The following FOXK2 variants were observed in gnomAD, a reference collection of about 807,000 sequenced individuals.
The protein encoded by FOXK2 is forkhead box protein K2.
Under a neutral mutation model 53.3 loss-of-function variants are expected in FOXK2, and 24 were observed. That is an observed-to-expected ratio of 0.45 (90% CI 0.33 to 0.63). The LOEUF is 0.63. Among genes scored for constraint, FOXK2 ranks in the 30% least tolerant of loss-of-function variants. The probability of loss-of-function intolerance (pLI) is 0.03; values close to 1 mark genes in which losing one functional copy is unlikely to be tolerated. For synonymous variants in FOXK2, 505 were observed against 407.1 expected (o/e 1.24, Z -2.89); for missense variants, 952 against 910.5 (o/e 1.05, Z -0.59).
chr17:82,585,987 G>A lies in FOXK2; in HGVS notation c.1363G>A (p.Ala455Thr), dbSNP rs1027206727. ...CATCAAGCCTGTCACCTACACTGTG[G>A]CCACCCCAGTGACCACCTCGACCTC... ...QAIKPVTYTVATPVTTSTSQP... is the reference protein window; with the variant it reads ...QAIKPVTYTVTTPVTTSTSQP... The change falls in exon 7 of 9, where the codon GCC becomes ACC. Residue 455 changes from alanine to threonine, a missense_variant. This residue lies in a region of FOXK2 where 551 missense variants were observed against 385.1 expected (regional missense o/e 1.43). Transcript: ENST00000335255. 2.2e-5 allele frequency: 36 copies of A among 1,612,776 alleles called. No homozygotes were observed. The highest frequency in any genetic ancestry group is 2.8e-5 in the Non-Finnish European group (33 of 1,179,960).
chr17:82,573,534 ACACTCT>A (rs781536995), intron 4 of FOXK2, among the ~76,000 whole-genome samples: 8 of 103,496 alleles, frequency 7.7e-5, no homozygotes, highest in South Asian at 3.8e-4. Context: ...ATACACACAC[ACACTCT>A]CTCTCTCTCT....
intron 5 of FOXK2, among the ~76,000 whole-genome samples, 156 bp from the exon 6 acceptor site, chr17:82,583,857 C>T (rs773917760): frequency 1.3e-5 from 2 of 152,238 alleles, no homozygotes; most frequent in Admixed American, 6.5e-5. Flanking sequence ...GCTCAGTTCA[C>T]AGGCGTAGGC....
At chr17:82,520,584 A>G (rs1030070032) in intron 1 of FOXK2, among the ~76,000 whole-genome samples, 61 of 152,292 alleles carry the variant, frequency 4.0e-4, no homozygotes, top group African/African-American at 1.4e-3. Flanking sequence ...GCGCGGGTCA[A>G]GGTTTCTGGG....
chr17:82,594,225 A>G (rs539873919), intron 8 of FOXK2, among the ~76,000 whole-genome samples: 1 of 152,168 alleles, frequency 6.6e-6, no homozygotes, highest in Non-Finnish European at 1.5e-5. Flanking sequence ...CAGGCCGGGC[A>G]CGGCGGCTCA....
At chr17:82,595,693 C>T in intron 8 of FOXK2, 9 of 1,106,872 alleles carry the variant, frequency 8.1e-6, no homozygotes, top group Non-Finnish European at 1.1e-5. Flanking sequence ...GGGTCGGTCC[C>T]TGTTATTAAG....
Position 82,520,171 on chromosome 17 carries a change from G to A in FOXK2, c.283G>A (p.Ala95Thr). 1.4e-6 allele frequency: 2 copies of A among 1,478,464 alleles called. No homozygotes were observed. Among genetic ancestry groups the A allele is most frequent in the South Asian group, 1.3e-5 (1 of 75,672 alleles). The allele number at this position is 1,478,464 out of a possible 1,614,324, so 91.6% of individuals were successfully genotyped here. ...PPGGGGHGGA[A>T]PELPPAQPRP... ...GGGCGGCGGCGGCCATGGCGGGGCCGCTCCGGAGCTGCCGCCCGCGCAGCC... is the reference window on the plus strand; with the variant it reads ...GGGCGGCGGCGGCCATGGCGGGGCCACTCCGGAGCTGCCGCCCGCGCAGCC... Residue 95 changes from alanine to threonine, a missense_variant, in exon 1 of 9, where the codon GCT (alanine) becomes ACT (threonine). Physicochemically the swap from Ala to Thr is moderately conservative, Grantham distance 58. Transcript: ENST00000335255.
chr17:82,586,173 G>C lies in FOXK2; in HGVS notation c.1549G>C (p.Glu517Gln), dbSNP rs901028493. The C allele has an allele frequency of 2.5e-6, 4 of 1,611,530 alleles. No homozygotes were observed. The highest frequency in any genetic ancestry group is 3.4e-6 in the Non-Finnish European group (4 of 1,179,160). ...GGCCCCTCCTAAGGCAGAGGCCCAG[G>C]AGAATGGAGACCACAGGGAAGTCAA... The part of the protein sequence containing the change: ...VLAPPKAEAQ[E>Q]NGDHREVKVK... The change falls in exon 7 of 9, where the codon GAG (glutamate) becomes CAG (glutamine). Residue 517 changes from glutamate to glutamine, a missense_variant. Physicochemically the swap from Glu to Gln is conservative, Grantham distance 29 (BLOSUM62 2). Transcript: ENST00000335255.
intron 4 of FOXK2, chr17:82,578,421 C>CTTTAT (rs1424398269): frequency 1.3e-5 from 2 of 150,282 alleles, no homozygotes; most frequent in African/African-American, 2.5e-5. Flanking sequence ...TAAAGAATAA[C>CTTTAT]AGCCCACGTT....
intron 5 of FOXK2, among the ~76,000 whole-genome samples, 173 bp downstream of exon 5, chr17:82,583,107 G>C (rs1429725449): frequency 6.6e-6 from 1 of 152,224 alleles, no homozygotes; most frequent in Non-Finnish European, 1.5e-5. Flanking sequence ...TCTGGTTCTA[G>C]TGGCTGAAAC....
intron 3 of FOXK2, among the ~76,000 whole-genome samples, chr17:82,570,139 G>A (rs865851828): frequency 5.3e-5 from 8 of 151,800 alleles, no homozygotes; most frequent in East Asian, 1.9e-4. Flanking sequence ...GGAGAATGGC[G>A]TGAACCCGGG....
At chr17:82,592,323 AC>A (rs2045260496) in intron 8 of FOXK2, among the ~76,000 whole-genome samples, 1 of 151,634 alleles carries the variant, frequency 6.6e-6, no homozygotes, top group African/African-American at 2.4e-5. Flanking sequence ...TCACATATTG[AC>A]TCCTCCGGCC....
chr17:82,530,604 G>A (rs1478404120), intron 1 of FOXK2, among the ~76,000 whole-genome samples: 3 of 147,714 alleles, frequency 2.0e-5, no homozygotes, highest in Admixed American at 6.9e-5. Context: ...TCCTCCTCCC[G>A]GGTTCAAACA....
chr17:82,579,395 T>G (rs2045030367), intron 4 of FOXK2, among the ~76,000 whole-genome samples: 1 of 152,174 alleles, frequency 6.6e-6, no homozygotes, highest in South Asian at 2.1e-4. Flanking sequence ...ATATTTGAAA[T>G]CTCATCTGAT....
rs777525387 is a variant in FOXK2, at chr17:82,601,364, A to T, written c.1848A>T (p.Thr616=). The change falls in exon 9 of 9, where the codon ACA becomes ACT. Residue 616 remains threonine (T), a synonymous_variant. Transcript: ENST00000335255. ...THASASASLP[T]KRHNGDQPEQ... ...CATCCGCATCGGCCTCCCTGCCCAC[A>T]AAGCGCCACAACGGTGACCAGCCGG... 6.2e-7 allele frequency: 1 copy of T among 1,613,446 alleles called. No homozygotes were observed. The highest frequency in any genetic ancestry group is 1.1e-5 in the South Asian group (1 of 91,068).
At chr17:82,528,617 G>C (rs1249107747) in intron 1 of FOXK2, among the ~76,000 whole-genome samples, 1 of 152,148 alleles carries the variant, frequency 6.6e-6, no homozygotes, top group East Asian at 1.9e-4. Flanking sequence ...TTTGAGCACG[G>C]AACAAGGTGT....
Position 82,601,599 on chromosome 17 carries a change from C to A in FOXK2, c.*100C>A. 1 of 1,245,430 alleles carries A rather than the reference C, an allele frequency of 8.0e-7. No individual in the cohort carries two copies. Among genetic ancestry groups the A allele is most frequent in the Non-Finnish European group, 1.1e-6 (1 of 918,504 alleles). The allele number at this position is 1,245,430 out of a possible 1,614,324, so 77.1% of individuals were successfully genotyped here. Reference sequence around the variant, plus strand: ...GGGGGTGCAGGGCCCTGTGGTTGGACTTCACCTCTCAGCACTGAAAACCCA... The same window carrying A: ...GGGGGTGCAGGGCCCTGTGGTTGGAATTCACCTCTCAGCACTGAAAACCCA... On this transcript the variant is annotated 3_prime_UTR_variant, in exon 9 of 9. Coordinates refer to ENST00000335255, the MANE Select transcript of FOXK2 (RefSeq NM_004514.4).
intron 1 of FOXK2, among the ~76,000 whole-genome samples, chr17:82,550,592 TC>T (rs1206802737): frequency 2.1e-5 from 3 of 142,788 alleles, no homozygotes; most frequent in Non-Finnish European, 4.5e-5. Flanking sequence ...AAGCTCCGCC[TC>T]CCGGGTTCAC....
At chr17:82,565,516 AAAG>A (rs1421583215) in intron 2 of FOXK2, among the ~76,000 whole-genome samples, 2 of 152,242 alleles carry the variant, frequency 1.3e-5, no homozygotes, top group Non-Finnish European at 2.9e-5. Flanking sequence ...ACATTGTTTC[AAAG>A]AAGATATAGA....
intron 3 of FOXK2, among the ~76,000 whole-genome samples, chr17:82,568,886 CTGTAATCTCAGCTGCTCT>C (rs1178469898): frequency 6.6e-6 from 1 of 152,184 alleles, no homozygotes; most frequent in Non-Finnish European, 1.5e-5. Flanking sequence ...TGGCACGCAG[CTGTAATCTCAGCTGCTCT>C]GGAGGCTGAG....
Sources: allele counts gnomAD v4.1 joint callset (sites outside exome capture counted in the v4.1 genomes callset), GRCh38; gene constraint gnomAD v4.1.1; regional missense constraint gnomAD v4.1.1; transcripts MANE v1.5; gene names NCBI Gene and HGNC (gene_info 2026-07-23, HGNC 2026-07-21).